Variants in SNX29 observed in about 807,000 individuals in gnomAD.
The protein encoded by SNX29 is sorting nexin-29.
Under a neutral mutation model 102.1 loss-of-function variants are expected in SNX29, and 78 were observed. The ratio of observed to expected loss-of-function variants is 0.76; its 90% confidence interval spans 0.64 to 0.92. SNX29 has a LOEUF of 0.92. SNX29 is among the 40% of genes least tolerant of loss of function. The pLI, the probability that SNX29 is intolerant of heterozygous loss-of-function variation, is 0.00. For synonymous variants in SNX29, 580 were observed against 414.5 expected (o/e 1.40, Z -4.85); for missense variants, 1,280 against 1,061.7 (o/e 1.21, Z -2.86).
intron 19 of SNX29, among the ~76,000 whole-genome samples, chr16:12,521,213 C>G (rs551427082): frequency 6.6e-6 from 1 of 152,024 alleles, no homozygotes; most frequent in African/African-American, 2.4e-5. Flanking sequence ...ATAAAACACT[C>G]GTTCATGTAA....
intron 19 of SNX29, among the ~76,000 whole-genome samples, chr16:12,487,074 A>T (rs988406289): frequency 3.8e-4 from 58 of 152,112 alleles, no homozygotes; most frequent in Admixed American, 1.1e-3. Context: ...TTCCCCTTTT[A>T]TATACTAGGA....
intron 16 of SNX29, among the ~76,000 whole-genome samples, chr16:12,362,293 A>AGGCT: frequency 6.6e-6 from 1 of 152,218 alleles, no homozygotes; most frequent in East Asian, 1.9e-4. Context: ...TTAGCCTGGA[A>AGGCT]GGCTGGCTGG....
At chr16:12,227,056 T>A (rs938403542) in intron 14 of SNX29, among the ~76,000 whole-genome samples, 49 of 152,164 alleles carry the variant, frequency 3.2e-4, no homozygotes, top group African/African-American at 1.2e-3. Context: ...GGGACTGTGG[T>A]GAAGTGTAGG....
At position 12,266,232 on chromosome 16, in the gene SNX29, G is replaced by T. The variant is rs565426887; in HGVS notation, c.1679-11701G>T. 1.5e-4 allele frequency among the ~76,000 whole-genome samples: 23 copies of T among 152,096 alleles called. No individual in the cohort carries two copies. The South Asian group carries it at 4.8e-3, about 32-fold the overall frequency. On this transcript the variant is annotated intron_variant, in intron 14 of 20. Transcript: ENST00000566228. ...GAGCTGCCGTGTCCAGCTTCAGGTT[G>T]TTTTTCCGTTTATACTCACACCGCT...
chr16:12,378,126 T>C (rs12929211), intron 16 of SNX29, among the ~76,000 whole-genome samples: 58,541 of 152,074 alleles, frequency 0.38, 13,640 homozygotes, highest in East Asian at 0.59. Flanking sequence ...GTGTTTTGTG[T>C]TGCTGCAAAG....
At chr16:12,284,244 A>G (rs2079524126) in intron 15 of SNX29, among the ~76,000 whole-genome samples, 1 of 152,186 alleles carries the variant, frequency 6.6e-6, no homozygotes, top group Non-Finnish European at 1.5e-5. Context: ...CTGAGTTCAG[A>G]TTTGCCACTT....
chr16:12,335,490 AC>A (rs1231084054), intron 15 of SNX29, among the ~76,000 whole-genome samples: 2 of 151,608 alleles, frequency 1.3e-5, no homozygotes, highest in African/African-American at 4.9e-5. Flanking sequence ...CATAGGGAGG[AC>A]CCCTCCCACC....
At chr16:12,069,622 C>G (rs1217213594) in intron 10 of SNX29, among the ~76,000 whole-genome samples, 1 of 152,136 alleles carries the variant, frequency 6.6e-6, no homozygotes, top group African/African-American at 2.4e-5. Flanking sequence ...CTCAGAGAGA[C>G]TGTATAAGAG....
At chr16:12,442,489 G>T (rs751154246) in intron 18 of SNX29, among the ~76,000 whole-genome samples, 7 of 152,138 alleles carry the variant, frequency 4.6e-5, no homozygotes, top group Non-Finnish European at 1.0e-4. Context: ...TTATGTCTTT[G>T]TAGGCCGTGC....
In SNX29 at chr16:12,571,789, T is replaced by A. The variant is rs2079193105; in HGVS notation, c.*3160T>A. 9.9e-7 allele frequency: 1 copy of A among 1,014,082 alleles called. No homozygotes were observed. The highest frequency in any genetic ancestry group is 1.7e-5 in the African/African-American group (1 of 59,906). The allele number at this position is 1,014,082 out of a possible 1,614,324, so 62.8% of individuals were successfully genotyped here. ...GAGACAGAACCTTCTCCGCCACTCT[T>A]CCTGCAATCAGTGTGAAATTCCAGC... is the stretch of plus-strand genomic sequence containing the variant. On this transcript the variant is annotated 3_prime_UTR_variant, in exon 21 of 21. Transcript: ENST00000566228.
intron 11 of SNX29, among the ~76,000 whole-genome samples, chr16:12,123,474 T>C (rs1429422527): frequency 6.6e-6 from 1 of 152,154 alleles, no homozygotes; most frequent in Admixed American, 6.6e-5. Context: ...TACATATACA[T>C]ATACATCATA....
At chr16:12,397,108 G>A (rs2083751306) in intron 16 of SNX29, among the ~76,000 whole-genome samples, 2 of 152,104 alleles carry the variant, frequency 1.3e-5, no homozygotes, top group African/African-American at 4.8e-5. Context: ...GCCCAGGCTG[G>A]TCTTGAACTC....
At chr16:12,164,080 T>C (rs970120427) in intron 13 of SNX29, among the ~76,000 whole-genome samples, 3 of 152,256 alleles carry the variant, frequency 2.0e-5, no homozygotes, top group South Asian at 4.1e-4. Flanking sequence ...GAAAGCATTT[T>C]GGAGGTGCGG....
intron 15 of SNX29, among the ~76,000 whole-genome samples, chr16:12,304,197 T>C (rs915978450): frequency 2.0e-5 from 3 of 150,204 alleles, no homozygotes; most frequent in African/African-American, 7.4e-5. Context: ...TTTTTTTGCC[T>C]TGACTTCTAA....
chr16:11,986,704 G>A (rs2055642778), intron 1 of SNX29, among the ~76,000 whole-genome samples: 1 of 152,150 alleles, frequency 6.6e-6, no homozygotes, highest in African/African-American at 2.4e-5. Flanking sequence ...CATTTATGGT[G>A]TTCTAGGATA....
intron 14 of SNX29, among the ~76,000 whole-genome samples, chr16:12,244,027 G>A (rs187012480): frequency 4.1e-4 from 63 of 152,256 alleles, no homozygotes; most frequent in Admixed American, 7.8e-4. Flanking sequence ...CAGATCATCA[G>A]GCATTAGATT....
At chr16:12,128,507 C>T (rs574966708) in intron 12 of SNX29, among the ~76,000 whole-genome samples, 15 of 142,554 alleles carry the variant, frequency 1.1e-4, no homozygotes, top group African/African-American at 4.0e-4. Flanking sequence ...GGCTGGAGTG[C>T]AGTGGTGTGA....
rs2052877641 is a variant in SNX29, at chr16:12,098,713, A to G, written c.1402+19798A>G. Among the ~76,000 whole-genome samples the G allele has an allele frequency of 1.3e-5, 2 of 152,336 alleles. No individual in the cohort carries two copies. The highest frequency in any genetic ancestry group is 4.8e-5 in the African/African-American group (2 of 41,574). ...CCAGACAGACAGACACGTGAAGATC[A>G]AGAGGCTAGCTTTGTCATCAGTAAA... On this transcript the variant is annotated intron_variant, in intron 11 of 20. Coordinates refer to ENST00000566228, the MANE Select transcript of SNX29 (RefSeq NM_032167.5). This position sits in a 1 kb window ranked among gnomAD's most constrained non-coding sequence, Gnocchi z 6.0.
At chr16:12,063,109 G>A (rs1264771557) in intron 9 of SNX29, among the ~76,000 whole-genome samples, 1 of 152,172 alleles carries the variant, frequency 6.6e-6, no homozygotes, top group African/African-American at 2.4e-5. Flanking sequence ...GCACAGTCCT[G>A]TGAGAGTGGG....
Sources: gnomAD v4.1 joint callset for allele counts (sites outside exome capture counted in the v4.1 genomes callset) on GRCh38, gnomAD v4.1.1 for gene constraint, Gnocchi (gnomAD v3.1) non-coding constraint, MANE v1.5 for transcripts, NCBI Gene and HGNC (gene_info 2026-07-23, HGNC 2026-07-21) for gene names.